NPFFR2: variants seen among roughly 807,000 people sequenced by gnomAD.
NPFFR2 encodes the protein neuropeptide FF receptor 2.
In NPFFR2, 15 loss-of-function variants were observed where a neutral mutation model predicts 13.1. The observed-to-expected ratio is 1.15, with a 90% CI of 0.77 to 1.76. The LOEUF is 1.76. Ranked by LOEUF, NPFFR2 falls within the 40% of genes most tolerant of loss-of-function variation. NPFFR2 has a pLI of 0.00. For missense variants in NPFFR2, 572 were observed against 503.5 expected, an observed-to-expected ratio of 1.14 and a Z score of -1.30; for synonymous variants, 190 against 175.7, an observed-to-expected ratio of 1.08 and a Z score of -0.65.
At chr4:72,127,801 C>A (rs1231114160) in intron 1 of NPFFR2, among the ~76,000 whole-genome samples, 4 of 151,884 alleles carry the variant, frequency 2.6e-5, no homozygotes, top group African/African-American at 4.8e-5. Context: ...ATATTCAGGC[C>A]ACGCACGGTG....
intron 1 of NPFFR2, among the ~76,000 whole-genome samples, chr4:72,049,683 T>C (rs1719483927): frequency 6.6e-6 from 1 of 151,760 alleles, no homozygotes; most frequent in African/African-American, 2.4e-5. Context: ...TAAATTCATA[T>C]TTATATCAAA....
At chr4:72,114,190 T>G (rs1215561962) in intron 1 of NPFFR2, among the ~76,000 whole-genome samples, 3 of 152,036 alleles carry the variant, frequency 2.0e-5, no homozygotes, top group Admixed American at 6.6e-5. Flanking sequence ...AAATATAAAA[T>G]TCATTGAATT....
intron 1 of NPFFR2, among the ~76,000 whole-genome samples, chr4:72,033,510 CTT>C (rs1227766372): frequency 2.0e-5 from 3 of 152,082 alleles, no homozygotes; most frequent in Non-Finnish European, 2.9e-5. Context: ...TTATCCTATT[CTT>C]TTTCTCAATA....
At chr4:72,057,501 A>G (rs566046906) in intron 1 of NPFFR2, among the ~76,000 whole-genome samples, 2 of 152,118 alleles carry the variant, frequency 1.3e-5, no homozygotes, top group South Asian at 2.1e-4. Context: ...TTGTCTTCAC[A>G]TAACCTTCTT....
chr4:72,075,267 T>G (rs1720392782), intron 1 of NPFFR2, among the ~76,000 whole-genome samples: 1 of 152,158 alleles, frequency 6.6e-6, no homozygotes, highest in Admixed American at 6.5e-5. Flanking sequence ...GTTCTTCAGT[T>G]TTGGAAGTCA....
chr4:72,121,090 A>G (rs1721860559), intron 1 of NPFFR2, among the ~76,000 whole-genome samples: 2 of 152,082 alleles, frequency 1.3e-5, no homozygotes, highest in Non-Finnish European at 2.9e-5. Flanking sequence ...CAGCACGAGA[A>G]CTTCATGAAA....
At chr4:72,104,847 G>T (rs1021842894) in intron 1 of NPFFR2, among the ~76,000 whole-genome samples, 16 of 151,836 alleles carry the variant, frequency 1.1e-4, no homozygotes, top group Non-Finnish European at 1.9e-4. Context: ...TTAATATGAA[G>T]TATACACTCA....
intron 1 of NPFFR2, among the ~76,000 whole-genome samples, chr4:72,109,447 A>T (rs913653536): frequency 1.3e-5 from 2 of 151,982 alleles, no homozygotes; most frequent in African/African-American, 4.8e-5. Flanking sequence ...CCATGTCGTG[A>T]GAAATAGTAG....
intron 1 of NPFFR2, among the ~76,000 whole-genome samples, chr4:72,110,004 T>C (rs1204495159): frequency 2.0e-5 from 3 of 151,956 alleles, no homozygotes; most frequent in African/African-American, 7.2e-5. Context: ...GCTGAGGGCT[T>C]TATTTGATCG....
Position 72,032,063 on chromosome 4 carries a change from C to G in NPFFR2, c.-145C>G. 1 of 1,614,042 alleles carries G rather than the reference C, an allele frequency of 6.2e-7. No homozygotes were observed. The highest frequency in any genetic ancestry group is 8.5e-7 in the Non-Finnish European group (1 of 1,179,966). ...GAAGCCTGGAGTGGAGCAGGCAGTC[C>G]GCGGGGGACAGACGTCGGCTGGGAT... On this transcript the variant is annotated 5_prime_UTR_variant, in exon 1 of 4. Transcript: ENST00000308744.
intron 1 of NPFFR2, among the ~76,000 whole-genome samples, chr4:72,033,214 G>T (rs181825995): frequency 6.6e-6 from 1 of 152,254 alleles, no homozygotes; most frequent in African/African-American, 2.4e-5. Context: ...TAATAATGAT[G>T]AATCTAAGTT....
At chr4:72,140,435 C>G (rs1428580971) in intron 3 of NPFFR2, among the ~76,000 whole-genome samples, 1 of 152,152 alleles carries the variant, frequency 6.6e-6, no homozygotes, top group Non-Finnish European at 1.5e-5. Flanking sequence ...TACATTCCAT[C>G]AATACCTAGA....
At chr4:72,120,313 C>T (rs1047603525) in intron 1 of NPFFR2, among the ~76,000 whole-genome samples, 13 of 150,898 alleles carry the variant, frequency 8.6e-5, no homozygotes, top group Admixed American at 6.7e-4. Context: ...GGGGGAAGAG[C>T]GGCTGTGGGT....
intron 1 of NPFFR2, among the ~76,000 whole-genome samples, chr4:72,105,764 A>G (rs1373763110): frequency 3.3e-5 from 5 of 151,330 alleles, no homozygotes; most frequent in Non-Finnish European, 7.4e-5. Flanking sequence ...GACATCAAGG[A>G]AAAAAAAACT....
chr4:72,113,507 A>G (rs1721624599), intron 1 of NPFFR2, among the ~76,000 whole-genome samples: 1 of 152,086 alleles, frequency 6.6e-6, no homozygotes, highest in Non-Finnish European at 1.5e-5. Flanking sequence ...ATCAATGGGT[A>G]GGACTCAACT....
chr4:72,038,659 GTA>G (rs1321808295), intron 1 of NPFFR2, among the ~76,000 whole-genome samples: 1 of 151,994 alleles, frequency 6.6e-6, no homozygotes, highest in Non-Finnish European at 1.5e-5. Flanking sequence ...CATAGTATCT[GTA>G]TATGTTGATT....
intron 1 of NPFFR2, among the ~76,000 whole-genome samples, chr4:72,097,861 T>C (rs572852888): frequency 6.6e-6 from 1 of 152,314 alleles, no homozygotes; most frequent in Non-Finnish European, 1.5e-5. Context: ...TGTAATTTAA[T>C]GAACTGCAAT....
intron 1 of NPFFR2, among the ~76,000 whole-genome samples, chr4:72,054,586 AAC>A (rs899666820): frequency 6.6e-5 from 10 of 151,964 alleles, no homozygotes; most frequent in African/African-American, 2.2e-4. Context: ...TCTTAAATAT[AAC>A]ACAAGAATCA....
intron 1 of NPFFR2, among the ~76,000 whole-genome samples, chr4:72,079,827 A>G (rs1285256130): frequency 2.6e-5 from 4 of 152,184 alleles, no homozygotes; most frequent in East Asian, 1.9e-4. Flanking sequence ...GGGCCCTGCA[A>G]CCCTGTAGAT....
Sources: gnomAD v4.1 joint callset for allele counts (sites outside exome capture counted in the v4.1 genomes callset) on GRCh38, gnomAD v4.1.1 for gene constraint, MANE v1.5 for transcripts, NCBI Gene and HGNC (gene_info 2026-07-23, HGNC 2026-07-21) for gene names.